TMEM44: variants seen among roughly 807,000 people sequenced by gnomAD.
The protein encoded by TMEM44 is transmembrane protein 44.
A neutral mutation model predicts 47.8 loss-of-function variants in TMEM44; 43 were observed. The ratio of observed to expected loss-of-function variants is 0.90; its 90% CI spans 0.70 to 1.16. The LOEUF (loss-of-function observed/expected upper bound fraction) is 1.16. TMEM44 is among the 50% of genes most tolerant of loss of function. The pLI is 0.00. For synonymous variants in TMEM44, 277 were observed against 238.8 expected (o/e 1.16, Z -1.48); for missense variants, 568 against 555.2 (o/e 1.02, Z -0.23).
chr3:194,605,637 T>C (rs1362320143), intron 8 of TMEM44, among the ~76,000 whole-genome samples: 1 of 152,178 alleles, frequency 6.6e-6, no homozygotes, highest in Non-Finnish European at 1.5e-5. Context: ...CTTGACCCCA[T>C]AATTCAATTA....
chr3:194,610,839 C>T, intron 8 of TMEM44, 77 bp downstream of exon 8: 1 of 1,280,580 alleles, frequency 7.8e-7, no homozygotes, highest in South Asian at 1.3e-5. Context: ...TCAGCTAAAG[C>T]ATCACCTCCT....
intron 8 of TMEM44, among the ~76,000 whole-genome samples, chr3:194,609,254 G>A (rs772617737): frequency 3.3e-5 from 5 of 152,112 alleles, no homozygotes; most frequent in Non-Finnish European, 5.9e-5. Flanking sequence ...GGGAAAGGAC[G>A]GAGACACGAA....
chr3:194,613,578 C>T (rs919985375), intron 7 of TMEM44, among the ~76,000 whole-genome samples: 6 of 151,146 alleles, frequency 4.0e-5, no homozygotes, highest in Non-Finnish European at 5.9e-5. Flanking sequence ...CTGCAACCTC[C>T]GCCTCCCAGG....
At position 194,617,352 on chromosome 3, in the gene TMEM44, G is replaced by C. The variant is rs1716027652; in HGVS notation, c.613-83C>G. 2.8e-6 allele frequency: 4 copies of C among 1,413,778 alleles called. No individual in the cohort carries two copies. The African/African-American group carries it at 5.8e-5, about 21-fold the overall frequency. The allele number at this position is 1,413,778 out of a possible 1,614,324, so 87.6% of individuals were successfully genotyped here. On this transcript the variant is annotated intron_variant, in intron 5 of 9. Coordinates refer to ENST00000347147, the MANE Select transcript of TMEM44 (RefSeq NM_001011655.3). Reference sequence around the variant, plus strand: ...CCCTCAGTGGCACAGCAGGTTGCGGGGCAAGCCCTCTGCCTGCAGCCAGTC... The same window carrying C: ...CCCTCAGTGGCACAGCAGGTTGCGGCGCAAGCCCTCTGCCTGCAGCCAGTC...
At chr3:194,626,382 G>A (rs1471207100) in intron 2 of TMEM44, among the ~76,000 whole-genome samples, 1 of 152,208 alleles carries the variant, frequency 6.6e-6, no homozygotes, top group Non-Finnish European at 1.5e-5. Flanking sequence ...CTCAAAGACT[G>A]TCAGGAAGGT....
At position 194,633,109 on chromosome 3, in the gene TMEM44, G is replaced by A. The variant is rs777302265; in HGVS notation, c.107C>T (p.Ala36Val). The A allele has an allele frequency of 9.7e-6, 15 of 1,550,420 alleles. No homozygotes were observed. In the South Asian group the frequency reaches 1.3e-4, roughly 14 times the overall value. ...VCISFGLWIC[A>V]SSCWIAAHAL... ...GTGGGCGGCGATCCAGCAGGAGGAGGCGCAGATCCACAGGCCGAAGGAGAT... is the reference window on the plus strand; with the variant it reads ...GTGGGCGGCGATCCAGCAGGAGGAGACGCAGATCCACAGGCCGAAGGAGAT... Residue 36 changes from alanine to valine, a missense_variant, in exon 1 of 10, where the codon GCC (alanine) becomes GTC (valine). By Grantham distance (64) the Ala-to-Val change is moderately conservative. Coordinates refer to ENST00000347147, the MANE Select transcript of TMEM44 (RefSeq NM_001011655.3).
At chr3:194,612,430 C>G (rs1051022545) in intron 7 of TMEM44, among the ~76,000 whole-genome samples, 2 of 152,088 alleles carry the variant, frequency 1.3e-5, no homozygotes, top group African/African-American at 4.8e-5. Flanking sequence ...CGGACTCAGT[C>G]GGATCACATG....
intron 7 of TMEM44, among the ~76,000 whole-genome samples, chr3:194,613,943 A>T (rs1193103192): frequency 6.6e-6 from 1 of 151,724 alleles, no homozygotes; most frequent in Non-Finnish European, 1.5e-5. Context: ...ACCAACATGG[A>T]GAAACCCAGT....
In TMEM44 at chr3:194,588,451, T is replaced by C; in HGVS notation, c.*78A>G. The C allele has an allele frequency of 7.7e-7, 1 of 1,302,186 alleles. No homozygotes were observed. Among genetic ancestry groups the C allele is most frequent in the Non-Finnish European group, 1.1e-6 (1 of 908,322 alleles). The allele number at this position is 1,302,186 out of a possible 1,614,324, so 80.7% of individuals were successfully genotyped here. On this transcript the variant is annotated 3_prime_UTR_variant, in exon 10 of 10. Transcript: ENST00000347147. ...GCTTCAGTTCCTGCCGCGGTGTCAG[T>C]GCAGATTGATTCCCGCTGCGTTACT... is the stretch of plus-strand genomic sequence containing the variant.
In TMEM44 at chr3:194,611,142, C is replaced by T. The variant is rs1239953056; in HGVS notation, c.913-122G>A. The T allele has an allele frequency of 2.9e-5, 22 of 753,274 alleles. No individual in the cohort carries two copies. The highest frequency in any genetic ancestry group is 9.9e-5 in the South Asian group (6 of 60,528). 46.7% of individuals were successfully genotyped at this position (753,274 alleles called of 1,614,324 possible). A position where few individuals can be genotyped will look rare whatever the true frequency, so the allele number is the denominator to read the frequency against. ...GGTATTTTCTCTCTCTCTTTTTTAACGGCACGTCTCACTTTCTGCTTCCTA... is the reference window on the plus strand; with the variant it reads ...GGTATTTTCTCTCTCTCTTTTTTAATGGCACGTCTCACTTTCTGCTTCCTA... On this transcript the variant is annotated intron_variant, in intron 7 of 9. Coordinates refer to ENST00000347147, the MANE Select transcript of TMEM44 (RefSeq NM_001011655.3). This position sits in a 1 kb window ranked among gnomAD's most constrained non-coding sequence, Gnocchi z 4.2.
intron 9 of TMEM44, chr3:194,593,049 A>G: frequency 6.2e-7 from 1 of 1,613,868 alleles, no homozygotes; most frequent in Non-Finnish European, 8.5e-7. Context: ...ACCTGCTCCG[A>G]GTTTAGGGCC....
At chr3:194,613,481 T>A (rs745424492) in intron 7 of TMEM44, among the ~76,000 whole-genome samples, 3 of 151,566 alleles carry the variant, frequency 2.0e-5, no homozygotes, top group Non-Finnish European at 2.9e-5. Flanking sequence ...CCTGGCTTAA[T>A]GAACACTTTA....
At chr3:194,598,782 G>T (rs879380172) in intron 9 of TMEM44, among the ~76,000 whole-genome samples, 1 of 152,170 alleles carries the variant, frequency 6.6e-6, no homozygotes, top group East Asian at 1.9e-4. Flanking sequence ...CCAAGAACTT[G>T]GACATAAAAC....
intron 5 of TMEM44, among the ~76,000 whole-genome samples, chr3:194,619,190 T>C (rs1716265707): frequency 1.3e-5 from 2 of 152,270 alleles, no homozygotes; most frequent in African/African-American, 4.8e-5. Flanking sequence ...CTCGCTCACA[T>C]GCTAACCCAG....
chr3:194,598,844 G>A (rs1713727161), intron 9 of TMEM44, among the ~76,000 whole-genome samples: 1 of 152,166 alleles, frequency 6.6e-6, no homozygotes, highest in Admixed American at 6.5e-5. Context: ...CCATAGATAA[G>A]GTAAACACGT....
chr3:194,630,111 C>T lies in TMEM44; in HGVS notation c.138-1602G>A, dbSNP rs575339151. On this transcript the variant is annotated intron_variant, in intron 1 of 9. Transcript: ENST00000347147. The stretch of plus-strand genomic sequence containing the variant: ...CGAAGGGGCTGGCTGTTTCCATCGG[C>T]GTCACTGATAGGGCCCCTGAAATAA... Among the ~76,000 whole-genome samples, 396 of 108,040 alleles carry T rather than the reference C, an allele frequency of 3.7e-3. 18 individuals are homozygous for T. The highest frequency in any genetic ancestry group is 0.014 in the African/African-American group (359 of 26,378). 70.9% of individuals were successfully genotyped at this position (108,040 alleles called of 152,430 possible). A position where few individuals can be genotyped will look rare whatever the true frequency, so the allele number is the denominator to read the frequency against.
At chr3:194,589,791 C>G (rs1712386800) in intron 9 of TMEM44, 1 of 152,062 alleles carries the variant, frequency 6.6e-6, no homozygotes, top group South Asian at 2.1e-4. Context: ...GCCATGGAGG[C>G]AAGTAGGGAT....
intron 3 of TMEM44, 137 bp downstream of exon 3, chr3:194,625,760 G>C (rs57336915): frequency 0.092 from 65,865 of 719,388 alleles, 5,462 homozygotes; most frequent in East Asian, 0.28. Context: ...GATTCCAGGC[G>C]TGAGCCACCG....
intron 9 of TMEM44, chr3:194,596,790 T>C (rs772880217): frequency 1.3e-5 from 2 of 152,204 alleles, no homozygotes; most frequent in Non-Finnish European, 2.9e-5. Context: ...TGGGTCAAGG[T>C]TCTTTCCCCT....
Sources: gnomAD v4.1 joint callset for allele counts (sites outside exome capture counted in the v4.1 genomes callset) on GRCh38, gnomAD v4.1.1 for gene constraint, Gnocchi (gnomAD v3.1) non-coding constraint, MANE v1.5 for transcripts, NCBI Gene and HGNC (gene_info 2026-07-23, HGNC 2026-07-21) for gene names.